PXDN: variants seen among roughly 807,000 people sequenced by gnomAD.
PXDN encodes peroxidasin homolog.
PXDN carries 77 observed loss-of-function variants against 140.3 expected under a neutral mutation model. That is an observed-to-expected ratio of 0.55 (90% CI 0.46 to 0.66). The LOEUF (loss-of-function observed/expected upper bound fraction) is 0.66, where lower values mean the gene tolerates loss of function less well. Ranked by LOEUF, PXDN falls within the 30% of genes least tolerant of loss-of-function variation. The pLI is 0.00. For synonymous variants in PXDN, 911 were observed against 857.4 expected (o/e 1.06, Z -1.09); for missense variants, 1,838 against 2,039.5 (o/e 0.90, Z 1.90).
intron 22 of PXDN, 80 bp from the exon 23 acceptor site, chr2:1,634,403 G>A: frequency 6.7e-7 from 1 of 1,485,596 alleles, no homozygotes; most frequent in South Asian, 1.3e-5. Flanking sequence ...TCCGGGACAG[G>A]TGTCAGCCAC....
chr2:1,633,263 G>A lies in PXDN; in HGVS notation c.*941C>T, dbSNP rs1032808852. 2 of 151,070 alleles carry A rather than the reference G, an allele frequency of 1.3e-5. No individual in the cohort carries two copies. Among genetic ancestry groups the A allele is most frequent in the African/African-American group, 2.4e-5 (1 of 41,044 alleles). 9.4% of individuals were successfully genotyped at this position (151,070 alleles called of 1,614,324 possible). On this transcript the variant is annotated 3_prime_UTR_variant, in exon 23 of 23. Coordinates refer to ENST00000252804, the MANE Select transcript of PXDN (RefSeq NM_012293.3). Reference sequence around the variant, plus strand: ...CCCTTGGGAAGAGCCATCCGGAAGCGGCTCTTGTTCAGGACGTGGACGCAA... The same window carrying A: ...CCCTTGGGAAGAGCCATCCGGAAGCAGCTCTTGTTCAGGACGTGGACGCAA...
Position 1,683,653 on chromosome 2 carries a change from C to T in PXDN, c.560+3G>A, listed in dbSNP as rs1486058764. On this transcript the variant is annotated splice_donor_region_variant and intron_variant, in intron 6 of 22. Coordinates refer to ENST00000252804, the MANE Select transcript of PXDN (RefSeq NM_012293.3). Reference sequence around the variant, plus strand: ...AAGAAAACACAAAAGGTTTTATACTCACAATCTCTTCATAGATTCCAAGTG... The same window carrying T: ...AAGAAAACACAAAAGGTTTTATACTTACAATCTCTTCATAGATTCCAAGTG... The T allele has an allele frequency of 5.7e-6, 9 of 1,575,884 alleles. No homozygotes were observed. Among genetic ancestry groups the T allele is most frequent in the Non-Finnish European group, 7.8e-6 (9 of 1,159,104 alleles).
At chr2:1,735,982 C>T (rs1314682645) in intron 1 of PXDN, among the ~76,000 whole-genome samples, 1 of 152,222 alleles carries the variant, frequency 6.6e-6, no homozygotes, top group Non-Finnish European at 1.5e-5. Flanking sequence ...TTTGATGCTT[C>T]ACCTTGCACT....
At position 1,666,366 on chromosome 2, in the gene PXDN, C is replaced by T. The variant is rs774680057; in HGVS notation, c.1139G>A (p.Arg380His). 13 of 1,613,888 alleles carry T rather than the reference C, an allele frequency of 8.1e-6. No individual in the cohort carries two copies. Among genetic ancestry groups the T allele is most frequent in the South Asian group, 6.6e-5 (6 of 91,068 alleles). ...CCGCGGGTCAACTGGCAAGGGTGTG[C>T]GGTCACCTCTCGTCCAGGAGATCCG... Reference protein sequence around the residue: ...PPRISWTRGDRTPLPVDPRVN... With the variant: ...PPRISWTRGDHTPLPVDPRVN... Residue 380 changes from arginine (R) to histidine (H), a missense_variant, in exon 10 of 23, where the codon CGC becomes CAC. This residue lies in a region of PXDN where 208 missense variants were observed against 325.8 expected (regional missense o/e 0.64). Transcript: ENST00000252804.
At chr2:1,723,287 G>T (rs1485134111) in intron 1 of PXDN, among the ~76,000 whole-genome samples, 1 of 152,186 alleles carries the variant, frequency 6.6e-6, no homozygotes, top group Non-Finnish European at 1.5e-5. Flanking sequence ...AAAGGTGAAT[G>T]AATGAATGCA....
chr2:1,718,525 G>A lies in PXDN; in HGVS notation c.201-25391C>T, dbSNP rs189366713. On this transcript the variant is annotated intron_variant, in intron 1 of 22. Transcript: ENST00000252804. ...AACCTACTCCATTAACCTACTACCC[G>A]AAGCTACTCTACTAACTTACTCCAC... 1.9e-4 allele frequency among the ~76,000 whole-genome samples: 29 copies of A among 151,252 alleles called. No individual in the cohort carries two copies. In the South Asian group the frequency reaches 3.8e-3, roughly 20 times the overall value.
chr2:1,661,178 C>T (rs1335850896), intron 13 of PXDN, 141 bp from the exon 14 acceptor site: 1 of 976,124 alleles, frequency 1.0e-6, no homozygotes, highest in Non-Finnish European at 1.5e-6. Context: ...TCCATCCAGG[C>T]CTGGAAAGCG....
intron 17 of PXDN, among the ~76,000 whole-genome samples, chr2:1,646,501 TG>T (rs1212147729): frequency 1.3e-5 from 2 of 152,188 alleles, no homozygotes; most frequent in African/African-American, 4.8e-5. Flanking sequence ...AAAATTACAC[TG>T]GATTAACGGA....
At position 1,680,231 on chromosome 2, in the gene PXDN, C is replaced by T. The variant is rs772595440; in HGVS notation, c.692G>A (p.Arg231His). The change falls in exon 7 of 23, where the codon CGC becomes CAC. Residue 231 changes from arginine (R) to histidine (H), a missense_variant. This residue lies in a region of PXDN where 208 missense variants were observed against 325.8 expected (regional missense o/e 0.64). Transcript: ENST00000252804. ...ICEYPRRIQG[R>H]SVATITPEEL... ...TTCCGGGGTGATGGTTGCCACTGAGCGTCCCTGGATGCGTCTGGGATATTC... is the reference window on the plus strand; with the variant it reads ...TTCCGGGGTGATGGTTGCCACTGAGTGTCCCTGGATGCGTCTGGGATATTC... The T allele has an allele frequency of 1.5e-5, 24 of 1,602,964 alleles. 1 individual carries two copies. In the East Asian group the frequency reaches 3.2e-4, roughly 21 times the overall value.
At chr2:1,657,660 C>T (rs1683177656) in intron 14 of PXDN, among the ~76,000 whole-genome samples, 1 of 151,772 alleles carries the variant, frequency 6.6e-6, no homozygotes, top group African/African-American at 2.4e-5. Context: ...CAGCGACCTG[C>T]CCACTCCTGA....
Position 1,639,747 on chromosome 2 carries a change from C to T in PXDN, c.3953-325G>A, listed in dbSNP as rs1488187045. ...CCACCCACAGATGGAGGCTCAGGCA[C>T]TCTGCCTCGGAGATCAGAGTCTGCT... On this transcript the variant is annotated intron_variant, in intron 19 of 22. Coordinates refer to ENST00000252804, the MANE Select transcript of PXDN (RefSeq NM_012293.3). This position sits in a 1 kb window ranked among gnomAD's most constrained non-coding sequence, Gnocchi z 5.0. 2.6e-5 allele frequency among the ~76,000 whole-genome samples: 4 copies of T among 152,328 alleles called. No individual in the cohort carries two copies. The highest frequency in any genetic ancestry group is 9.6e-5 in the African/African-American group (4 of 41,580).
intron 1 of PXDN, among the ~76,000 whole-genome samples, chr2:1,696,731 T>A (rs1454274896): frequency 6.6e-6 from 1 of 152,176 alleles, no homozygotes. Flanking sequence ...AACCGGACCG[T>A]GTGTTTGGGA....
intron 7 of PXDN, among the ~76,000 whole-genome samples, chr2:1,679,548 ATAAATGGTGTGTGTG>A (rs1314978576): frequency 1.4e-5 from 2 of 138,686 alleles, no homozygotes; most frequent in Admixed American, 7.3e-5. Flanking sequence ...GTGTGTGTCT[ATAAATGGTGTGTGTG>A]TAAATGGTGT....
chr2:1,640,622 C>G (rs895535233), intron 19 of PXDN, among the ~76,000 whole-genome samples: 1 of 152,208 alleles, frequency 6.6e-6, no homozygotes, highest in African/African-American at 2.4e-5. Flanking sequence ...CTCGCTTCTT[C>G]CACCCACAAA....
chr2:1,700,124 C>T (rs1264661754), intron 1 of PXDN, among the ~76,000 whole-genome samples: 4 of 151,972 alleles, frequency 2.6e-5, no homozygotes, highest in African/African-American at 9.7e-5. Context: ...TGGAGTGGCG[C>T]GATCTCAGGT....
At chr2:1,725,508 T>C (rs888188961) in intron 1 of PXDN, among the ~76,000 whole-genome samples, 6 of 151,948 alleles carry the variant, frequency 3.9e-5, no homozygotes, top group Admixed American at 2.6e-4. Flanking sequence ...ATTCAGGACA[T>C]AGGCATGGGC....
rs142122687 is a variant in PXDN, at chr2:1,742,295, G to C, written c.200+1961C>G. Among the ~76,000 whole-genome samples, 860 of 152,324 alleles carry C rather than the reference G, an allele frequency of 5.6e-3. 6 individuals carry two copies. The highest frequency in any genetic ancestry group is 0.019 in the African/African-American group (798 of 41,578). Reference sequence around the variant, plus strand: ...CAACTTAACAGCTACCAGTCTACCTGCCTCACAGAATCAACGTGACTCAAC... The same window carrying C: ...CAACTTAACAGCTACCAGTCTACCTCCCTCACAGAATCAACGTGACTCAAC... On this transcript the variant is annotated intron_variant, in intron 1 of 22. Transcript: ENST00000252804.
Position 1,685,127 on chromosome 2 carries a change from G to A in PXDN, c.417-976C>T, listed in dbSNP as rs1039597971. ...CCAGGGCACCAGAGTGCGGCTGCCA[G>A]GGCCCGCCCCGTCCCGGGGCCAGCT... is the stretch of plus-strand genomic sequence containing the variant. On this transcript the variant is annotated intron_variant, in intron 4 of 22. Transcript: ENST00000252804. The surrounding 1 kb of genome is among the most constrained non-coding windows in gnomAD (Gnocchi z 5.1). Among the ~76,000 whole-genome samples the A allele has an allele frequency of 2.0e-5, 3 of 152,208 alleles. No individual in the cohort carries two copies. Among genetic ancestry groups the A allele is most frequent in the Non-Finnish European group, 4.4e-5 (3 of 68,042 alleles).
In PXDN at chr2:1,714,634, C is replaced by T. The variant is rs1436893554; in HGVS notation, c.201-21500G>A. On this transcript the variant is annotated intron_variant, in intron 1 of 22. Transcript: ENST00000252804. This position sits in a 1 kb window ranked among gnomAD's most constrained non-coding sequence, Gnocchi z 4.3. ...GAATTCTGTCTCTGCAGCAGGAATG[C>T]GGCCACAGAAGAGGCGACCCGGTGG... Among the ~76,000 whole-genome samples, 1 of 152,158 alleles carries T rather than the reference C, an allele frequency of 6.6e-6. No homozygotes were observed. The highest frequency in any genetic ancestry group is 1.5e-5 in the Non-Finnish European group (1 of 68,038).
Sources: allele counts gnomAD v4.1 joint callset (sites outside exome capture counted in the v4.1 genomes callset), GRCh38; gene constraint gnomAD v4.1.1; regional missense constraint gnomAD v4.1.1; non-coding constraint Gnocchi (gnomAD v3.1); transcripts MANE v1.5; gene names NCBI Gene and HGNC (gene_info 2026-07-23, HGNC 2026-07-21).